The following CENPE variants were observed in gnomAD, a reference collection of about 807,000 sequenced individuals.
The protein encoded by CENPE is centromere-associated protein E.
In CENPE, 145 loss-of-function variants were observed where a neutral mutation model predicts 336.1. That is an observed-to-expected ratio of 0.43 (90% confidence interval 0.38 to 0.50). CENPE has a LOEUF of 0.50. Among genes scored for constraint, CENPE ranks in the 20% least tolerant of loss-of-function variants. The probability of loss-of-function intolerance (pLI) is 0.00; values close to 1 mark genes in which losing one functional copy is unlikely to be tolerated. For synonymous variants in CENPE, 1,013 were observed against 984.8 expected (o/e 1.03, Z -0.54); for missense variants, 2,719 against 3,023.3 (o/e 0.90, Z 2.36).
At chr4:103,114,262 A>C (rs1485957767) in intron 46 of CENPE, among the ~76,000 whole-genome samples, 193 bp downstream of exon 46, 3 of 152,198 alleles carry the variant, frequency 2.0e-5, no homozygotes, top group Non-Finnish European at 4.4e-5. Flanking sequence ...ATAATGGATA[A>C]GCATCTAAGA....
intron 38 of CENPE, among the ~76,000 whole-genome samples, chr4:103,138,837 C>T (rs6836162): frequency 0.15 from 22,260 of 151,824 alleles, 1,935 homozygotes; most frequent in South Asian, 0.31. Context: ...GACCCTGTCT[C>T]TATAAAAATA....
At chr4:103,183,525 G>A (rs574303778) in intron 9 of CENPE, among the ~76,000 whole-genome samples, 14 of 152,158 alleles carry the variant, frequency 9.2e-5, no homozygotes, top group Admixed American at 7.2e-4. Context: ...AAAAAATGAA[G>A]AGGGAGGGAA....
rs758208762 is a variant in CENPE at position 103,149,313 on chromosome 4, C to A, written c.3492G>T (p.Lys1164Asn). The A allele has an allele frequency of 1.2e-6, 2 of 1,611,610 alleles. No homozygotes were observed. The highest frequency in any genetic ancestry group is 3.3e-5 in the Admixed American group (2 of 59,850). Reference protein sequence around the residue: ...QKKINEIENLKNELKNKELTL... With the variant: ...QKKINEIENLNNELKNKELTL... Reference sequence around the variant, plus strand: ...TCAATTCTTTGTTCTTTAATTCATTCTTTAAATTCTCTATTTCATTAATCT... The same window carrying A: ...TCAATTCTTTGTTCTTTAATTCATTATTTAAATTCTCTATTTCATTAATCT... Residue 1164 changes from lysine (K) to asparagine (N), a missense_variant, in exon 27 of 49, where the codon AAG becomes AAT. This residue lies in a region of CENPE where 2,437 missense variants were observed against 2,513.3 expected (regional missense o/e 0.97). Transcript: ENST00000265148.
chr4:103,178,058 C>T (rs1756028300), intron 13 of CENPE, among the ~76,000 whole-genome samples: 1 of 146,510 alleles, frequency 6.8e-6, no homozygotes. Flanking sequence ...TTTTTTTTGC[C>T]ATCTCCCTCT....
At chr4:103,154,829 T>G (rs550541854) in intron 24 of CENPE, among the ~76,000 whole-genome samples, 1 of 152,312 alleles carries the variant, frequency 6.6e-6, no homozygotes, top group Admixed American at 6.5e-5. Context: ...ATATTTTTGT[T>G]GAGATACATT....
intron 15 of CENPE, 51 bp downstream of exon 15, chr4:103,175,909 G>T (rs954807922): frequency 1.7e-6 from 2 of 1,166,260 alleles, no homozygotes; most frequent in East Asian, 2.5e-5. Flanking sequence ...AATAACAAAA[G>T]AATTTTAAAA....
chr4:103,155,294 T>C (rs1280692410), intron 24 of CENPE, among the ~76,000 whole-genome samples: 1 of 152,120 alleles, frequency 6.6e-6, no homozygotes, highest in East Asian at 1.9e-4. Context: ...TTTCCCATCA[T>C]AAAAGTGGAA....
In CENPE at chr4:103,182,746, T is replaced by A. The variant is rs758632407; in HGVS notation, c.963+16A>T. On this transcript the variant is annotated intron_variant, in intron 11 of 48. Coordinates refer to ENST00000265148, the MANE Select transcript of CENPE (RefSeq NM_001813.3). ...GATCTTCCCCTATATTAAGCTGAGA[T>A]AAAAATCAAACTCACCTGGAGAGCA... 17 of 1,581,158 alleles carry A rather than the reference T, an allele frequency of 1.1e-5. No individual in the cohort carries two copies. Among genetic ancestry groups the A allele is most frequent in the Non-Finnish European group, 1.4e-5 (16 of 1,162,654 alleles).
intron 29 of CENPE, among the ~76,000 whole-genome samples, chr4:103,146,467 T>C (rs542440384): frequency 1.0e-3 from 153 of 152,280 alleles, no homozygotes; most frequent in African/African-American, 3.4e-3. Context: ...TTGTGAATGA[T>C]AGGAAGGGAT....
chr4:103,166,807 A>G (rs577353786), intron 16 of CENPE, among the ~76,000 whole-genome samples: 5 of 152,310 alleles, frequency 3.3e-5, no homozygotes, highest in Admixed American at 2.0e-4. Context: ...ACAACTACAG[A>G]TTCTTGTTCC....
At chr4:103,142,527 A>C (rs888889069) in intron 34 of CENPE, among the ~76,000 whole-genome samples, 3 of 152,120 alleles carry the variant, frequency 2.0e-5, no homozygotes, top group African/African-American at 7.2e-5. Context: ...CATTTTAAAG[A>C]TTTCCTCTAC....
chr4:103,112,122 A>G (rs149800508), intron 46 of CENPE, among the ~76,000 whole-genome samples: 75 of 151,604 alleles, frequency 4.9e-4, no homozygotes, highest in African/African-American at 1.7e-3. Flanking sequence ...ATGTCCATAT[A>G]TATGTGTGAG....
At chr4:103,113,563 A>G (rs901046862) in intron 46 of CENPE, among the ~76,000 whole-genome samples, 4 of 141,422 alleles carry the variant, frequency 2.8e-5, no homozygotes, top group Non-Finnish European at 6.1e-5. Context: ...ATAATATATA[A>G]GTAATATATA....
At chr4:103,152,705 G>T (rs1753660226) in intron 25 of CENPE, among the ~76,000 whole-genome samples, 1 of 152,112 alleles carries the variant, frequency 6.6e-6, no homozygotes, top group South Asian at 2.1e-4. Context: ...AGTGTAGAAA[G>T]TCAAACATAA....
chr4:103,174,936 A>G (rs1158267855), intron 15 of CENPE, 33 bp from the exon 16 acceptor site: 1 of 1,281,948 alleles, frequency 7.8e-7, no homozygotes, highest in African/African-American at 1.6e-5. Flanking sequence ...TTCCAATCAG[A>G]AAATTCAAAT....
At chr4:103,151,786 C>T (rs1320062386) in intron 25 of CENPE, among the ~76,000 whole-genome samples, 1 of 152,158 alleles carries the variant, frequency 6.6e-6, no homozygotes. Context: ...GGCAGCCACC[C>T]TCTGCTAGCA....
intron 29 of CENPE, among the ~76,000 whole-genome samples, 189 bp downstream of exon 29, chr4:103,147,163 TTCTC>T (rs1392970540): frequency 6.6e-6 from 1 of 152,218 alleles, no homozygotes; most frequent in African/African-American, 2.4e-5. Context: ...CTGAAACATC[TTCTC>T]TCTGTTTCAA....
At chr4:103,135,739 A>G (rs545388336) in intron 40 of CENPE, among the ~76,000 whole-genome samples, 8 of 148,864 alleles carry the variant, frequency 5.4e-5, no homozygotes, top group Non-Finnish European at 1.0e-4. Context: ...ACAATAGTCT[A>G]ATGATTCCCC....
At chr4:103,138,047 T>C (rs567981210) in intron 39 of CENPE, among the ~76,000 whole-genome samples, 1 of 152,340 alleles carries the variant, frequency 6.6e-6, no homozygotes, top group South Asian at 2.1e-4. Flanking sequence ...AACTTTGTAC[T>C]CGCTGTTCCC....
Sources: gnomAD v4.1 joint callset for allele counts (sites outside exome capture counted in the v4.1 genomes callset) on GRCh38, gnomAD v4.1.1 for gene constraint, gnomAD v4.1.1 regional missense constraint, MANE v1.5 for transcripts, NCBI Gene and HGNC (gene_info 2026-07-23, HGNC 2026-07-21) for gene names.